Variants in HOGA1 observed in about 807,000 individuals in gnomAD.
HOGA1 encodes 4-hydroxy-2-oxoglutarate aldolase 1.
Under a neutral mutation model 34.3 loss-of-function variants are expected in HOGA1, and 30 were observed. The ratio of observed to expected loss-of-function variants is 0.87; its 90% CI spans 0.65 to 1.19. The LOEUF is 1.19. Ranked by LOEUF, HOGA1 falls within the 50% of genes most tolerant of loss-of-function variation. The pLI, the probability that HOGA1 is intolerant of heterozygous loss-of-function variation, is 0.00. For synonymous variants in HOGA1, 161 were observed against 174.0 expected (o/e 0.93, Z 0.59); for missense variants, 417 against 436.5 (o/e 0.96, Z 0.40).
intron 6 of HOGA1, among the ~76,000 whole-genome samples, chr10:97,610,903 T>C (rs558132740): frequency 6.6e-6 from 1 of 152,360 alleles, no homozygotes; most frequent in African/African-American, 2.4e-5. Flanking sequence ...GCCCCTTCCT[T>C]TTTTAGACAG....
chr10:97,590,325 A>C (rs750719654), intron 1 of HOGA1: 1 of 1,613,576 alleles, frequency 6.2e-7, no homozygotes. Flanking sequence ...CACCTGGCTC[A>C]CTCCATGCTG....
intron 1 of HOGA1, among the ~76,000 whole-genome samples, chr10:97,591,609 C>T (rs1408465511): frequency 2.0e-5 from 3 of 151,538 alleles, no homozygotes; most frequent in Non-Finnish European, 4.4e-5. Context: ...TTTCTTTTCC[C>T]TTTTTTTCTT....
chr10:97,589,553 C>T (rs2041000388), intron 1 of HOGA1, among the ~76,000 whole-genome samples: 1 of 151,998 alleles, frequency 6.6e-6, no homozygotes, highest in African/African-American at 2.4e-5. Flanking sequence ...GGGTAGGAGA[C>T]AGGACCCAGG....
chr10:97,597,140 C>T (rs1050953482), intron 1 of HOGA1, among the ~76,000 whole-genome samples: 43 of 149,586 alleles, frequency 2.9e-4, no homozygotes, highest in Admixed American at 6.0e-4. Context: ...GGGTCTTGCT[C>T]TGTCACCCAG....
chr10:97,590,167 C>T lies in HOGA1; in HGVS notation c.211+5253C>T, dbSNP rs1350386215. ...ACGGAGAAGTGGGCTCCGCTCTGCA[C>T]CGGGAATCCTTCACCAGCAGGCAGA... On this transcript the variant is annotated intron_variant, in intron 1 of 6. Coordinates refer to ENST00000370646, the MANE Select transcript of HOGA1 (RefSeq NM_138413.4). The T allele has an allele frequency of 4.3e-6, 7 of 1,613,978 alleles. No homozygotes were observed. In the African/African-American group the frequency reaches 8.0e-5, roughly 18 times the overall value.
chr10:97,591,801 T>TC (rs1279818722), intron 1 of HOGA1, among the ~76,000 whole-genome samples: 1 of 146,914 alleles, frequency 6.8e-6, no homozygotes, highest in African/African-American at 2.5e-5. Flanking sequence ...ATTTTTTTTT[T>TC]TTCTTTTCTT....
intron 1 of HOGA1, chr10:97,589,653 C>T: frequency 5.0e-6 from 2 of 401,782 alleles, no homozygotes; most frequent in South Asian, 2.9e-5. Context: ...CTGCCTTCCT[C>T]ACAATGGGGT....
chr10:97,585,722 C>G (rs148312219), intron 1 of HOGA1, among the ~76,000 whole-genome samples: 64 of 152,338 alleles, frequency 4.2e-4, no homozygotes, highest in Middle Eastern at 3.4e-3. Flanking sequence ...CTCCATTTTA[C>G]TCCCTCGCTG....
At chr10:97,586,400 G>C (rs2040971725) in intron 1 of HOGA1, among the ~76,000 whole-genome samples, 1 of 152,238 alleles carries the variant, frequency 6.6e-6, no homozygotes, top group Non-Finnish European at 1.5e-5. Context: ...CCCCTGGCCT[G>C]ATGGACACGT....
At position 97,601,874 on chromosome 10, in the gene HOGA1, T is replaced by C; in HGVS notation, c.718T>C (p.Cys240Arg). Residue 240 changes from cysteine (C) to arginine (R), a missense_variant, in exon 6 of 7, where the codon TGC (cysteine) becomes CGC (arginine). Physicochemically the swap from Cys to Arg is radical, Grantham distance 180 (BLOSUM62 -3). Transcript: ENST00000370646. The part of the protein sequence containing the change: ...SYALGAVGGV[C>R]ALANVLGAQV... ...TCGTGCAGGAGCTGTGGGGGGCGTC[T>C]GCGCCCTGGCCAATGTCCTGGGGGC... The C allele has an allele frequency of 6.2e-7, 1 of 1,612,432 alleles. No individual in the cohort carries two copies. Among genetic ancestry groups the C allele is most frequent in the Non-Finnish European group, 8.5e-7 (1 of 1,180,012 alleles).
At chr10:97,598,954 G>C in intron 2 of HOGA1, 51 bp downstream of exon 2, 1 of 1,610,932 alleles carries the variant, frequency 6.2e-7, no homozygotes, top group Non-Finnish European at 8.5e-7. Flanking sequence ...GCAGGATCCA[G>C]GCTCCTAGGC....
intron 1 of HOGA1, among the ~76,000 whole-genome samples, chr10:97,595,588 A>G (rs970542609): frequency 6.6e-6 from 1 of 152,178 alleles, no homozygotes; most frequent in Admixed American, 6.5e-5. Flanking sequence ...CCAGCTACTC[A>G]GGAGGCTGAG....
At chr10:97,605,300 G>A (rs1254756623) in intron 6 of HOGA1, among the ~76,000 whole-genome samples, 2 of 151,786 alleles carry the variant, frequency 1.3e-5, no homozygotes, top group Admixed American at 1.3e-4. Context: ...CCCACGACTT[G>A]GGAGGCTGAG....
At position 97,611,845 on chromosome 10, in the gene HOGA1, C is replaced by T. The variant is rs576078709; in HGVS notation, c.*186C>T. The T allele has an allele frequency of 1.0e-4, 66 of 633,142 alleles. No homozygotes were observed. The highest frequency in any genetic ancestry group is 2.5e-4 in the Admixed American group (9 of 36,474). 39.2% of individuals were successfully genotyped at this position (633,142 alleles called of 1,614,324 possible). On this transcript the variant is annotated 3_prime_UTR_variant, in exon 7 of 7. Coordinates refer to ENST00000370646, the MANE Select transcript of HOGA1 (RefSeq NM_138413.4). ...CGCCCATGCATATCTCCTATTCTAACGGCCCCTGACCTCTCCCTTTTGGAT... is the reference window on the plus strand; with the variant it reads ...CGCCCATGCATATCTCCTATTCTAATGGCCCCTGACCTCTCCCTTTTGGAT...
intron 1 of HOGA1, among the ~76,000 whole-genome samples, chr10:97,594,168 C>CTTTTT (rs71007354): frequency 6.9e-5 from 3 of 43,462 alleles, no homozygotes; most frequent in Admixed American, 3.7e-4. Flanking sequence ...TGCGCCTGGT[C>CTTTTT]TTTTTTTTTT....
chr10:97,598,800 C>T lies in HOGA1; in HGVS notation c.237C>T (p.Gly79=), dbSNP rs148094180. The change falls in exon 2 of 7, where the codon GGC becomes GGT. Residue 79 remains glycine (G), a synonymous_variant. Coordinates refer to ENST00000370646, the MANE Select transcript of HOGA1 (RefSeq NM_138413.4). ...GCTTCGTGGTCCAGGGCTCCAATGG[C>T]GAGTTTCCTTTCCTGACCAGCAGTG... The part of the protein sequence containing the change: ...FRGFVVQGSN[G]EFPFLTSSER... The T allele has an allele frequency of 3.4e-4, 554 of 1,614,132 alleles. 1 individual carries two copies. The highest frequency in any genetic ancestry group is 1.3e-3 in the Admixed American group (76 of 60,016).
In HOGA1 at chr10:97,612,448, G is replaced by A. The variant is rs1179807899; in HGVS notation, c.*789G>A. 2 of 152,266 alleles carry A rather than the reference G, an allele frequency of 1.3e-5. No homozygotes were observed. Among genetic ancestry groups the A allele is most frequent in the African/African-American group, 4.8e-5 (2 of 41,546 alleles). The allele number at this position is 152,266 out of a possible 1,614,324, so 9.4% of individuals were successfully genotyped here. A position where few individuals can be genotyped will look rare whatever the true frequency, so the allele number is the denominator to read the frequency against. ...GCTTAAGAAACTTGATCAGGAAAGT[G>A]ACACTGGTCTTTCAAAGAGCCCTCT... On this transcript the variant is annotated 3_prime_UTR_variant, in exon 7 of 7. Transcript: ENST00000370646.
intron 1 of HOGA1, among the ~76,000 whole-genome samples, chr10:97,588,199 CTT>C (rs1221596544): frequency 2.5e-4 from 24 of 97,338 alleles, no homozygotes; most frequent in East Asian, 4.8e-4. Flanking sequence ...TTTTTTCTTT[CTT>C]TTTTTTTTTT....
intron 1 of HOGA1, among the ~76,000 whole-genome samples, chr10:97,593,012 A>C (rs1589904586): frequency 6.9e-6 from 1 of 144,880 alleles, no homozygotes; most frequent in African/African-American, 2.7e-5. Context: ...CCTGGGCGAC[A>C]GAGTGAGACT....
Sources: allele counts gnomAD v4.1 joint callset (sites outside exome capture counted in the v4.1 genomes callset), GRCh38; gene constraint gnomAD v4.1.1; transcripts MANE v1.5; gene names NCBI Gene and HGNC (gene_info 2026-07-23, HGNC 2026-07-21).